DCX: variants seen among roughly 807,000 people sequenced by gnomAD.
DCX encodes the protein doublecortin.
A neutral mutation model predicts 20.9 loss-of-function variants in DCX; 4 were observed. The ratio of observed to expected loss-of-function variants is 0.19; its 90% CI spans 0.09 to 0.44. The LOEUF is 0.44. Among genes scored for constraint, DCX ranks in the 20% least tolerant of loss-of-function variants. The pLI is 0.99. For missense variants in DCX, 133 were observed against 296.9 expected (o/e 0.45, Z 4.06); for synonymous variants, 103 against 111.4 (o/e 0.92, Z 0.47).
intron 3 of DCX, among the ~76,000 whole-genome samples, chrX:111,370,846 C>A (rs1409667388): frequency 3.6e-5 from 4 of 111,368 alleles, no homozygotes; most frequent in Non-Finnish European, 7.5e-5. Context: ...AAGAAATCCC[C>A]AGCATCAGTA....
At chrX:111,371,203 C>A (rs923101152) in intron 3 of DCX, among the ~76,000 whole-genome samples, 2 of 112,290 alleles carry the variant, frequency 1.8e-5, no homozygotes, top group Non-Finnish European at 3.8e-5. Flanking sequence ...CATACATACA[C>A]CTGTATAATA....
chrX:111,339,105 T>G (rs1488153969), intron 3 of DCX, among the ~76,000 whole-genome samples: 1 of 112,543 alleles, frequency 8.9e-6, no homozygotes, highest in Non-Finnish European at 1.9e-5. Context: ...TTTGCTAGAT[T>G]CTTTTCCTTT....
intron 3 of DCX, among the ~76,000 whole-genome samples, chrX:111,370,077 C>T (rs1924953541): frequency 9.0e-6 from 1 of 111,679 alleles, no homozygotes; most frequent in Non-Finnish European, 1.9e-5. Flanking sequence ...TGCCCTATTC[C>T]CCAAAACATA....
chrX:111,394,296 C>G (rs1233175030), intron 3 of DCX, among the ~76,000 whole-genome samples: 1 of 111,429 alleles, frequency 9.0e-6, no homozygotes, highest in Non-Finnish European at 1.9e-5. Context: ...ATCCATAGAG[C>G]AAAAAGCAGA....
At chrX:111,381,602 A>G (rs902736083) in intron 3 of DCX, among the ~76,000 whole-genome samples, 2 of 110,732 alleles carry the variant, frequency 1.8e-5, no homozygotes, top group African/African-American at 6.6e-5. Context: ...AAGAAATCCT[A>G]TTTAGAAAAC....
At chrX:111,394,545 T>C (rs1243774049) in intron 3 of DCX, among the ~76,000 whole-genome samples, 1 of 111,954 alleles carries the variant, frequency 8.9e-6, no homozygotes. Flanking sequence ...GAGACAATGC[T>C]TTTTCTCCCA....
At chrX:111,333,575 C>T (rs894276663) in intron 3 of DCX, among the ~76,000 whole-genome samples, 1 of 111,759 alleles carries the variant, frequency 8.9e-6, no homozygotes, top group Admixed American at 9.5e-5. Flanking sequence ...CTGTAGCTGA[C>T]CCAGAAGTGG....
chrX:111,368,901 T>TATACAC lies in DCX; in HGVS notation c.705+32088_705+32089insGTGTAT, dbSNP rs1467693516. Among the ~76,000 whole-genome samples the TATACAC allele has an allele frequency of 4.6e-3, 449 of 98,265 alleles. 2 individuals are homozygous for TATACAC. Among genetic ancestry groups the TATACAC allele is most frequent in the African/African-American group, 0.016 (423 of 26,502 alleles). 85.3% of individuals were successfully genotyped at this position (98,265 alleles called of 115,157 possible). The stretch of plus-strand genomic sequence containing the variant: ...CTAATACGGGATATATATATATACA[T>TATACAC]ACACACACACACACACACACACACA... On this transcript the variant is annotated intron_variant, in intron 3 of 6. Coordinates refer to ENST00000636035, the MANE Select transcript of DCX (RefSeq NM_001195553.2).
At chrX:111,395,863 T>G (rs1178381226) in intron 3 of DCX, among the ~76,000 whole-genome samples, 1 of 111,838 alleles carries the variant, frequency 8.9e-6, no homozygotes, top group Non-Finnish European at 1.9e-5. Context: ...AAGAGAGAGG[T>G]TGGCTCTGAG....
chrX:111,372,737 G>A (rs1569494325), intron 3 of DCX, among the ~76,000 whole-genome samples: 1 of 111,742 alleles, frequency 8.9e-6, no homozygotes, highest in East Asian at 2.8e-4. Flanking sequence ...GGTGACAGCT[G>A]AAAACAGAAC....
At chrX:111,337,073 A>G (rs1488182859) in intron 3 of DCX, among the ~76,000 whole-genome samples, 2 of 112,513 alleles carry the variant, frequency 1.8e-5, no homozygotes, top group Non-Finnish European at 3.8e-5. Flanking sequence ...TGTGATACAA[A>G]GTCCACCTTA....
chrX:111,376,852 C>T (rs1925574497), intron 3 of DCX, among the ~76,000 whole-genome samples: 1 of 112,031 alleles, frequency 8.9e-6, no homozygotes, highest in South Asian at 3.8e-4. Context: ...AATTCATTAT[C>T]AAGTGCATTG....
At chrX:111,330,829 T>G in intron 5 of DCX, 75 bp downstream of exon 5, 3 of 1,165,210 alleles carry the variant, frequency 2.6e-6, no homozygotes, top group Non-Finnish European at 3.5e-6. Flanking sequence ...CATGAGGAAC[T>G]GATTCCTCTG....
chrX:111,343,710 G>A (rs781668585), intron 3 of DCX, among the ~76,000 whole-genome samples: 4 of 111,717 alleles, frequency 3.6e-5, no homozygotes, highest in South Asian at 3.7e-4. Flanking sequence ...GGCTGGGTGC[G>A]GCAGCTCACT....
chrX:111,301,551 T>C lies in DCX; in HGVS notation c.*136A>G, dbSNP rs746033465. 1.5e-6 allele frequency: 1 copy of C among 649,255 alleles called. No individual in the cohort carries two copies. Among genetic ancestry groups the C allele is most frequent in the African/African-American group, 2.2e-5 (1 of 45,984 alleles). The allele number at this position is 649,255 out of a possible 1,213,427, so 53.5% of individuals were successfully genotyped here. A position where few individuals can be genotyped will look rare whatever the true frequency, so the allele number is the denominator to read the frequency against. ...AAAATAAACCCAACATATTACAATG[T>C]GTTTTTCAAAATAACAACAACAACA... is the stretch of plus-strand genomic sequence containing the variant. On this transcript the variant is annotated 3_prime_UTR_variant, in exon 7 of 7. Transcript: ENST00000636035.
intron 5 of DCX, among the ~76,000 whole-genome samples, chrX:111,323,033 G>A (rs2095090406): frequency 9.0e-6 from 1 of 111,558 alleles, no homozygotes; most frequent in Non-Finnish European, 1.9e-5. Flanking sequence ...TGATGGAAGT[G>A]CCAGAATTGT....
At chrX:111,398,470 G>A (rs1017191630) in intron 3 of DCX, among the ~76,000 whole-genome samples, 8 of 111,567 alleles carry the variant, frequency 7.2e-5, no homozygotes, top group African/African-American at 2.6e-4. Context: ...GGCAGAGGAA[G>A]ACATTTTAAA....
At chrX:111,410,510 C>T in intron 1 of DCX, 90 bp from the exon 2 acceptor site, 1 of 1,100,119 alleles carries the variant, frequency 9.1e-7, no homozygotes, top group Non-Finnish European at 1.2e-6. Context: ...TAAATATTAG[C>T]CAGATCCAGA....
chrX:111,411,097 C>T, intron 1 of DCX: 1 of 586,983 alleles, frequency 1.7e-6, no homozygotes, highest in East Asian at 3.5e-5. Flanking sequence ...ATTCATCAAA[C>T]CCTTTCCCCA....
Sources: allele counts gnomAD v4.1 joint callset (sites outside exome capture counted in the v4.1 genomes callset), GRCh38; gene constraint gnomAD v4.1.1; transcripts MANE v1.5; gene names NCBI Gene and HGNC (gene_info 2026-07-23, HGNC 2026-07-21).